TMEM144: variants seen among roughly 807,000 people sequenced by gnomAD.
The protein encoded by TMEM144 is transmembrane protein 144.
Under a neutral mutation model 43.6 loss-of-function variants are expected in TMEM144, and 39 were observed. That is an observed-to-expected ratio of 0.90 (90% CI 0.69 to 1.17). TMEM144 has a LOEUF of 1.17. Among genes scored for constraint, TMEM144 ranks in the 50% most tolerant of loss-of-function variants. The pLI is 0.00. For synonymous variants in TMEM144, 154 were observed against 133.6 expected (o/e 1.15, Z -1.06); for missense variants, 417 against 411.9 (o/e 1.01, Z -0.11).
intron 11 of TMEM144, among the ~76,000 whole-genome samples, chr4:158,242,967 C>T (rs1224489731): frequency 6.6e-6 from 1 of 152,186 alleles, no homozygotes; most frequent in Non-Finnish European, 1.5e-5. Context: ...TTTACCAAAG[C>T]ACCCTTCCTG....
At chr4:158,244,860 T>C (rs186548500) in intron 12 of TMEM144, among the ~76,000 whole-genome samples, 3 of 152,320 alleles carry the variant, frequency 2.0e-5, no homozygotes, top group Admixed American at 2.0e-4. Context: ...ATAATTATAA[T>C]GTAACATCAT....
chr4:158,217,805 A>G lies in TMEM144; in HGVS notation c.332+385A>G, dbSNP rs78741168. Among the ~76,000 whole-genome samples, 386 of 152,346 alleles carry G rather than the reference A, an allele frequency of 2.5e-3. 3 individuals carry two copies. The highest frequency in any genetic ancestry group is 4.4e-3 in the Non-Finnish European group (299 of 68,034). The stretch of plus-strand genomic sequence containing the variant: ...TAGATAAAAAGAGATTAAGTAACTT[A>G]CTGTAGGTCACAGAACTAAGAAGCT... On this transcript the variant is annotated intron_variant, in intron 5 of 12. Transcript: ENST00000296529.
chr4:158,226,954 G>A (rs1038485327), intron 6 of TMEM144, among the ~76,000 whole-genome samples: 3 of 151,608 alleles, frequency 2.0e-5, no homozygotes, highest in Admixed American at 6.6e-5. Flanking sequence ...TATGTCTGTG[G>A]GCTAGGCTGT....
intron 11 of TMEM144, 56 bp downstream of exon 11, chr4:158,241,662 T>G: frequency 2.1e-6 from 3 of 1,456,278 alleles, no homozygotes; most frequent in Non-Finnish European, 2.9e-6. Flanking sequence ...AACCCAATTT[T>G]TCTGAAGCAC....
intron 3 of TMEM144, among the ~76,000 whole-genome samples, chr4:158,214,766 C>T (rs142226859): frequency 6.2e-4 from 95 of 152,206 alleles, no homozygotes; most frequent in African/African-American, 2.2e-3. Context: ...TGTGCTATTC[C>T]GAAGCACTTA....
chr4:158,254,493 C>T lies in TMEM144; in HGVS notation c.*966C>T, dbSNP rs955035788. 6.8e-6 allele frequency: 1 copy of T among 146,446 alleles called. No individual in the cohort carries two copies. Among genetic ancestry groups the T allele is most frequent in the Non-Finnish European group, 1.5e-5 (1 of 67,370 alleles). The allele number at this position is 146,446 out of a possible 1,614,324, so 9.1% of individuals were successfully genotyped here. ...TGAAATTAAGCCAGGCAGGGTGGCG[C>T]ACTACTATAATCCCAGCTGCTGGGG... is the stretch of plus-strand genomic sequence containing the variant. On this transcript the variant is annotated 3_prime_UTR_variant, in exon 13 of 13. Transcript: ENST00000296529.
intron 12 of TMEM144, among the ~76,000 whole-genome samples, chr4:158,248,219 GCT>G (rs1337066300): frequency 6.6e-6 from 1 of 151,280 alleles, no homozygotes; most frequent in Non-Finnish European, 1.5e-5. Context: ...GATCACTTGA[GCT>G]CAGGAGTTCA....
chr4:158,239,271 C>T (rs1023448861), intron 9 of TMEM144, among the ~76,000 whole-genome samples: 8 of 152,300 alleles, frequency 5.3e-5, no homozygotes, highest in Admixed American at 3.3e-4. Flanking sequence ...AACTTTTCTT[C>T]CTAAACATGG....
chr4:158,220,350 T>C (rs891087615), intron 6 of TMEM144, among the ~76,000 whole-genome samples: 8 of 152,242 alleles, frequency 5.3e-5, no homozygotes, highest in African/African-American at 1.9e-4. Flanking sequence ...TAGCTCTGAA[T>C]AGCTCTCTCA....
chr4:158,225,262 C>T (rs1734706884), intron 6 of TMEM144, among the ~76,000 whole-genome samples: 1 of 152,162 alleles, frequency 6.6e-6, no homozygotes, highest in Non-Finnish European at 1.5e-5. Flanking sequence ...GCCCTATAGT[C>T]TGGGTTAAAA....
chr4:158,231,255 T>TA (rs889114370), intron 6 of TMEM144, among the ~76,000 whole-genome samples: 1 of 152,146 alleles, frequency 6.6e-6, no homozygotes, highest in African/African-American at 2.4e-5. Flanking sequence ...CTAGTGTCCA[T>TA]AACTCATCTT....
intron 6 of TMEM144, among the ~76,000 whole-genome samples, chr4:158,221,234 C>A (rs1734492136): frequency 6.6e-6 from 1 of 151,884 alleles, no homozygotes; most frequent in African/African-American, 2.4e-5. Context: ...TTTGCAAGAC[C>A]CAGTTGAGCA....
At chr4:158,215,956 G>A (rs1335170842) in intron 4 of TMEM144, among the ~76,000 whole-genome samples, 1 of 145,936 alleles carries the variant, frequency 6.9e-6, no homozygotes, top group Non-Finnish European at 1.5e-5. Context: ...GCAAATAAAT[G>A]TTAAAATGTT....
At chr4:158,221,653 C>A (rs776648128) in intron 6 of TMEM144, among the ~76,000 whole-genome samples, 32 of 152,178 alleles carry the variant, frequency 2.1e-4, no homozygotes, top group Non-Finnish European at 4.0e-4. Context: ...CTTTTGTCTT[C>A]TCATTTAACA....
At chr4:158,231,126 T>C (rs1425181385) in intron 6 of TMEM144, among the ~76,000 whole-genome samples, 1 of 152,186 alleles carries the variant, frequency 6.6e-6, no homozygotes, top group African/African-American at 2.4e-5. Flanking sequence ...GGTCTTATGA[T>C]CTAGACAAGG....
chr4:158,253,575 A>G lies in TMEM144; in HGVS notation c.*48A>G, dbSNP rs760795954. On this transcript the variant is annotated 3_prime_UTR_variant, in exon 13 of 13. Transcript: ENST00000296529. ...CAGCAGTAGTTAAGAGAACGCGTCT[A>G]TCGGACAGCGGAGAGATCATGCTGA... 2.0e-6 allele frequency: 3 copies of G among 1,465,716 alleles called. No homozygotes were observed. The highest frequency in any genetic ancestry group is 4.5e-5 in the East Asian group (2 of 44,046). 90.8% of individuals were successfully genotyped at this position (1,465,716 alleles called of 1,614,324 possible). A position where few individuals can be genotyped will look rare whatever the true frequency, so the allele number is the denominator to read the frequency against.
intron 9 of TMEM144, 139 bp from the exon 10 acceptor site, chr4:158,240,160 C>A: frequency 1.1e-6 from 1 of 929,762 alleles, no homozygotes; most frequent in Non-Finnish European, 1.6e-6. Flanking sequence ...GCTAGGATTA[C>A]AGGTGTGAGC....
chr4:158,249,163 C>T (rs1210261265), intron 12 of TMEM144, among the ~76,000 whole-genome samples: 1 of 152,186 alleles, frequency 6.6e-6, no homozygotes, highest in Non-Finnish European at 1.5e-5. Flanking sequence ...CCTCGGCCTC[C>T]CAAAGTGCTG....
intron 6 of TMEM144, among the ~76,000 whole-genome samples, chr4:158,230,492 T>G (rs1213785893): frequency 6.6e-6 from 1 of 152,156 alleles, no homozygotes; most frequent in Non-Finnish European, 1.5e-5. Flanking sequence ...TATTGTTTAT[T>G]AGAAAAACAC....
Sources: gnomAD v4.1 joint callset for allele counts (sites outside exome capture counted in the v4.1 genomes callset) on GRCh38, gnomAD v4.1.1 for gene constraint, MANE v1.5 for transcripts, NCBI Gene and HGNC (gene_info 2026-07-23, HGNC 2026-07-21) for gene names.